The following RFX3 variants were observed in gnomAD, a reference collection of about 807,000 sequenced individuals.
RFX3 encodes transcription factor RFX3.
Under a neutral mutation model 98.6 loss-of-function variants are expected in RFX3, and 14 were observed. That is an observed-to-expected ratio of 0.14 (90% CI 0.09 to 0.22). RFX3 has a LOEUF of 0.22. RFX3 is among the 10% of genes least tolerant of loss of function. The pLI, the probability that RFX3 is intolerant of heterozygous loss-of-function variation, is 1.00. For synonymous variants in RFX3, 383 were observed against 328.4 expected (o/e 1.17, Z -1.80); for missense variants, 639 against 926.9 (o/e 0.69, Z 4.03).
chr9:3,427,754 C>G (rs1180024717), intron 1 of RFX3, among the ~76,000 whole-genome samples: 2 of 152,066 alleles, frequency 1.3e-5, no homozygotes, highest in Non-Finnish European at 2.9e-5. Context: ...ATTCTCAGAT[C>G]CATAGCAGGA....
At chr9:3,263,415 TTTTCA>T (rs1294275444) in intron 12 of RFX3, among the ~76,000 whole-genome samples, 1 of 152,050 alleles carries the variant, frequency 6.6e-6, no homozygotes, top group Non-Finnish European at 1.5e-5. Context: ...AAAATGTTGG[TTTTCA>T]TTTCTTTTTT....
At chr9:3,308,773 T>C (rs778473897) in intron 4 of RFX3, among the ~76,000 whole-genome samples, 1 of 152,102 alleles carries the variant, frequency 6.6e-6, no homozygotes, top group African/African-American at 2.4e-5. Context: ...GCCATGACTG[T>C]TGCTGTGAGT....
At chr9:3,352,324 G>C (rs1835245611) in intron 2 of RFX3, among the ~76,000 whole-genome samples, 1 of 151,734 alleles carries the variant, frequency 6.6e-6, no homozygotes. Context: ...AAGAATAGAA[G>C]GATATACACC....
intron 4 of RFX3, among the ~76,000 whole-genome samples, chr9:3,310,954 A>G (rs1829884179): frequency 6.6e-6 from 1 of 152,200 alleles, no homozygotes; most frequent in African/African-American, 2.4e-5. Context: ...TTTAAATATG[A>G]TCGATAAACG....
intron 1 of RFX3, among the ~76,000 whole-genome samples, chr9:3,402,719 T>C (rs1841588122): frequency 6.6e-6 from 1 of 151,832 alleles, no homozygotes; most frequent in South Asian, 2.1e-4. Context: ...TCAGCATTCC[T>C]AAATAAATGC....
chr9:3,320,840 T>C (rs1355030300), intron 4 of RFX3, among the ~76,000 whole-genome samples: 1 of 143,936 alleles, frequency 6.9e-6, no homozygotes, highest in Non-Finnish European at 1.5e-5. Flanking sequence ...TACATGTAAT[T>C]CCACTTAAGA....
chr9:3,500,142 C>A (rs1815816990), intron 1 of RFX3, among the ~76,000 whole-genome samples: 2 of 152,010 alleles, frequency 1.3e-5, no homozygotes, highest in East Asian at 3.8e-4. Context: ...AAGAAATCAA[C>A]AATAAAGGAG....
At chr9:3,428,330 G>A (rs1297915440) in intron 1 of RFX3, among the ~76,000 whole-genome samples, 4 of 152,034 alleles carry the variant, frequency 2.6e-5, no homozygotes, top group Non-Finnish European at 5.9e-5. Flanking sequence ...TGAATGAATA[G>A]GTAGCGCTAA....
chr9:3,391,872 G>T (rs1220819668), intron 2 of RFX3, among the ~76,000 whole-genome samples: 1 of 152,114 alleles, frequency 6.6e-6, no homozygotes, highest in Non-Finnish European at 1.5e-5. Context: ...ATGTTTGGAG[G>T]TTTGTTCTTT....
In RFX3 at chr9:3,330,275, C is replaced by T. The variant is rs1466326678; in HGVS notation, c.458G>A (p.Arg153Gln). 1.9e-6 allele frequency: 3 copies of T among 1,614,006 alleles called. No homozygotes were observed. The highest frequency in any genetic ancestry group is 1.7e-6 in the Non-Finnish European group (2 of 1,179,986). ...NSGHSVTHTT[R>Q]ASPATIEMAI... is the part of the protein sequence containing the mutation. The stretch of plus-strand genomic sequence containing the variant: ...AATACTTACTGTCGCTGGGGAGGCC[C>T]GAGTTGTGTGTGTCACTGAGTGACC... The change falls in exon 4 of 17, where the codon CGG becomes CAG. Residue 153 changes from arginine (R) to glutamine (Q), a missense_variant. This residue lies in a region of RFX3 where 210 missense variants were observed against 197.7 expected (regional missense o/e 1.06). Transcript: ENST00000617270.
At chr9:3,498,439 A>C (rs1851266610) in intron 1 of RFX3, among the ~76,000 whole-genome samples, 1 of 152,078 alleles carries the variant, frequency 6.6e-6, no homozygotes, top group African/African-American at 2.4e-5. Context: ...GAGCTGCTGC[A>C]AAGTGAAACA....
intron 1 of RFX3, among the ~76,000 whole-genome samples, chr9:3,497,459 C>T (rs1468211466): frequency 1.3e-5 from 2 of 151,890 alleles, no homozygotes; most frequent in Non-Finnish European, 2.9e-5. Flanking sequence ...AGAGTTTTTG[C>T]CTGGTAAAGG....
At chr9:3,493,842 C>A (rs1850924475) in intron 1 of RFX3, among the ~76,000 whole-genome samples, 1 of 151,586 alleles carries the variant, frequency 6.6e-6, no homozygotes, top group Non-Finnish European at 1.5e-5. Context: ...GCTCTTCCAA[C>A]TCTTTATACC....
At chr9:3,394,228 T>C (rs187948778) in intron 2 of RFX3, among the ~76,000 whole-genome samples, 2,397 of 151,562 alleles carry the variant, frequency 0.016, 66 homozygotes, top group African/African-American at 0.053. Context: ...CTTTGGGAGG[T>C]CGAGGTGGGC....
intron 1 of RFX3, among the ~76,000 whole-genome samples, chr9:3,427,336 T>A (rs1844168442): frequency 7.0e-6 from 1 of 142,618 alleles, no homozygotes; most frequent in South Asian, 2.1e-4. Flanking sequence ...TATAAATATA[T>A]ATTGTATTAC....
intron 15 of RFX3, among the ~76,000 whole-genome samples, chr9:3,229,437 T>C (rs546013619): frequency 6.6e-6 from 1 of 152,238 alleles, no homozygotes; most frequent in African/African-American, 2.4e-5. Flanking sequence ...TCTCAGATAA[T>C]AGGGTCTCAC....
At chr9:3,423,763 T>C (rs1291448476) in intron 1 of RFX3, among the ~76,000 whole-genome samples, 1 of 131,022 alleles carries the variant, frequency 7.6e-6, no homozygotes, top group Non-Finnish European at 1.6e-5. Context: ...TTTCATTTTA[T>C]GTATTATATA....
At chr9:3,275,055 T>C (rs939792850) in intron 9 of RFX3, among the ~76,000 whole-genome samples, 3 of 151,996 alleles carry the variant, frequency 2.0e-5, no homozygotes, top group Non-Finnish European at 4.4e-5. Context: ...GCCTATTCTT[T>C]TGATGGCTGT....
chr9:3,254,231 G>T (rs189342159), intron 14 of RFX3, among the ~76,000 whole-genome samples: 7 of 151,598 alleles, frequency 4.6e-5, no homozygotes, highest in Admixed American at 1.3e-4. Context: ...GGAGATGAAG[G>T]CTCCAGGGAT....
Sources: allele counts gnomAD v4.1 joint callset (sites outside exome capture counted in the v4.1 genomes callset), GRCh38; gene constraint gnomAD v4.1.1; regional missense constraint gnomAD v4.1.1; transcripts MANE v1.5; gene names NCBI Gene and HGNC (gene_info 2026-07-23, HGNC 2026-07-21).